Variants in PRUNE2 observed in about 807,000 individuals in gnomAD.
The protein encoded by PRUNE2 is prune homolog 2 with BCH domain.
Under a neutral mutation model 252.0 loss-of-function variants are expected in PRUNE2, and 164 were observed. That is an observed-to-expected ratio of 0.65 (90% CI 0.57 to 0.74). The LOEUF (loss-of-function observed/expected upper bound fraction) is 0.74. Ranked by LOEUF, PRUNE2 falls within the 30% of genes least tolerant of loss-of-function variation. The pLI is 0.00. For synonymous variants in PRUNE2, 1,292 were observed against 1,350.2 expected (o/e 0.96, Z 0.94); for missense variants, 3,495 against 3,711.0 (o/e 0.94, Z 1.51).
intron 1 of PRUNE2, among the ~76,000 whole-genome samples, chr9:76,903,789 T>C (rs368390370): frequency 2.6e-5 from 4 of 152,202 alleles, no homozygotes; most frequent in Non-Finnish European, 5.9e-5. Context: ...GGTTTCACCA[T>C]GTTGGCCAGG....
intron 6 of PRUNE2, among the ~76,000 whole-genome samples, chr9:76,766,072 A>G (rs936761634): frequency 6.6e-6 from 1 of 151,614 alleles, no homozygotes; most frequent in Non-Finnish European, 1.5e-5. Context: ...AGTCCCAGCT[A>G]CTTGGGAGGC....
At chr9:76,855,316 T>C (rs554295949) in intron 1 of PRUNE2, among the ~76,000 whole-genome samples, 3 of 152,120 alleles carry the variant, frequency 2.0e-5, no homozygotes, top group Non-Finnish European at 2.9e-5. Context: ...GTACATACTT[T>C]CCCCACTTTT....
intron 1 of PRUNE2, among the ~76,000 whole-genome samples, chr9:76,854,730 C>T (rs1319594832): frequency 6.6e-6 from 1 of 151,996 alleles, no homozygotes; most frequent in Non-Finnish European, 1.5e-5. Context: ...ACTTGTAACA[C>T]TTTTGTCTGT....
intron 1 of PRUNE2, among the ~76,000 whole-genome samples, chr9:76,894,005 A>T (rs1239411788): frequency 6.6e-6 from 1 of 152,212 alleles, no homozygotes; most frequent in East Asian, 1.9e-4. Context: ...TCACCTAGGG[A>T]ATAAAATGTC....
At chr9:76,802,828 T>C (rs748198427) in intron 6 of PRUNE2, among the ~76,000 whole-genome samples, 2 of 152,148 alleles carry the variant, frequency 1.3e-5, no homozygotes, top group Non-Finnish European at 1.5e-5. Context: ...GTAAAGGTTG[T>C]TTTCCCCCTT....
intron 11 of PRUNE2, among the ~76,000 whole-genome samples, chr9:76,648,445 T>A (rs754341191): frequency 1.3e-5 from 2 of 152,116 alleles, no homozygotes; most frequent in African/African-American, 4.8e-5. Flanking sequence ...GAATGGAAAA[T>A]AACCTGTGAC....
intron 6 of PRUNE2, among the ~76,000 whole-genome samples, chr9:76,805,832 G>A (rs1777544463): frequency 6.6e-6 from 1 of 152,214 alleles, no homozygotes; most frequent in African/African-American, 2.4e-5. Context: ...TTTTGAATCA[G>A]ATGTCCCTGG....
At chr9:76,898,303 T>C (rs766299410) in intron 1 of PRUNE2, among the ~76,000 whole-genome samples, 15 of 152,194 alleles carry the variant, frequency 9.9e-5, no homozygotes, top group Middle Eastern at 3.2e-3. Flanking sequence ...TGCCTCACAG[T>C]TCCCCATTTA....
chr9:76,830,840 A>G (rs554462300), intron 4 of PRUNE2, among the ~76,000 whole-genome samples: 1 of 152,308 alleles, frequency 6.6e-6, no homozygotes, highest in Admixed American at 6.5e-5. Context: ...CTCAACTAAA[A>G]TGATGAAAGT....
chr9:76,621,528 C>CAG (rs1346451677), intron 17 of PRUNE2, among the ~76,000 whole-genome samples: 1 of 152,174 alleles, frequency 6.6e-6, no homozygotes, highest in African/African-American at 2.4e-5. Context: ...ATTCTTCAGG[C>CAG]AGATGGCTTA....
rs73650281 is a variant in PRUNE2, at chr9:76,706,682, A to G, written c.5592T>C (p.Asn1864=). 4,608 of 1,613,652 alleles carry G rather than the reference A, an allele frequency of 2.9e-3. 106 individuals are homozygous for G. The African/African-American group carries it at 0.055, about 19-fold the overall frequency. The change falls in exon 8 of 19, where the codon AAT becomes AAC. Residue 1864 remains asparagine, a synonymous_variant. Coordinates refer to ENST00000376718, the MANE Select transcript of PRUNE2 (RefSeq NM_015225.3). ...GAACTGGTACTCCCCAGGGACTGGC[A>G]TTTTGGTGTACTGAAGAATTTATCT... ...VLEINSSVHQ[N]ASPWGVPVQG... is the part of the protein sequence containing the mutation.
chr9:76,723,717 A>G (rs1459030265), intron 6 of PRUNE2, among the ~76,000 whole-genome samples: 4 of 152,150 alleles, frequency 2.6e-5, no homozygotes, highest in Admixed American at 6.5e-5. Flanking sequence ...GAATTCAAGA[A>G]TAGAGGGGGA....
chr9:76,697,889 CTATT>C (rs1297602658), intron 9 of PRUNE2, among the ~76,000 whole-genome samples: 1 of 152,110 alleles, frequency 6.6e-6, no homozygotes, highest in African/African-American at 2.4e-5. Context: ...AGAAAATAAT[CTATT>C]TGTCAGTCTG....
Position 76,709,187 on chromosome 9 carries a change from G to C in PRUNE2, c.3087C>G (p.Asn1029Lys). ...TATGAGGTGAAGCCCACATGTCTAG[G>C]TTCCCAGGACCTGAACTGATTCGAT... ...SRNRISSGPGNLDMWASPHTD... is the reference protein window; with the variant it reads ...SRNRISSGPGKLDMWASPHTD... Residue 1029 changes from asparagine (N) to lysine (K), a missense_variant, in exon 8 of 19, where the codon AAC becomes AAG. Physicochemically the swap from Asn to Lys is moderately conservative, Grantham distance 94. Coordinates refer to ENST00000376718, the MANE Select transcript of PRUNE2 (RefSeq NM_015225.3). The C allele has an allele frequency of 6.2e-7, 1 of 1,613,812 alleles. No individual in the cohort carries two copies. The highest frequency in any genetic ancestry group is 8.5e-7 in the Non-Finnish European group (1 of 1,179,838).
In PRUNE2 at chr9:76,620,742, C is replaced by T. The variant is rs28429308; in HGVS notation, c.9189-1355G>A. On this transcript the variant is annotated intron_variant, in intron 17 of 18. Transcript: ENST00000376718. ...AGGACAGTCAAGTAAGTGTTGACAG[C>T]GTGCTAAAAAAAACCTAGCAAAGCT... is the stretch of plus-strand genomic sequence containing the variant. Among the ~76,000 whole-genome samples, 1,105 of 151,982 alleles carry T rather than the reference C, an allele frequency of 7.3e-3. 18 individuals are homozygous for T. The highest frequency in any genetic ancestry group is 0.024 in the African/African-American group (1,013 of 41,452).
intron 1 of PRUNE2, among the ~76,000 whole-genome samples, chr9:76,855,101 A>ATG (rs1450315244): frequency 8.1e-5 from 12 of 147,324 alleles, no homozygotes; most frequent in Non-Finnish European, 1.8e-4. Flanking sequence ...ATATATATAT[A>ATG]TAGTCACCCC....
chr9:76,643,537 C>G (rs1391864882), intron 12 of PRUNE2, among the ~76,000 whole-genome samples: 1 of 152,190 alleles, frequency 6.6e-6, no homozygotes, highest in African/African-American at 2.4e-5. Context: ...TCACTTGCAG[C>G]AAGATGGGGC....
chr9:76,899,875 A>C (rs1194176438), intron 1 of PRUNE2, among the ~76,000 whole-genome samples: 1 of 152,114 alleles, frequency 6.6e-6, no homozygotes, highest in East Asian at 2.0e-4. Flanking sequence ...GCTGGAGGAA[A>C]AGCCAGAAAG....
chr9:76,664,898 C>T (rs1486535458), intron 9 of PRUNE2, among the ~76,000 whole-genome samples: 1 of 152,182 alleles, frequency 6.6e-6, no homozygotes, highest in Admixed American at 6.5e-5. Flanking sequence ...CACTCAAGCT[C>T]CCAAACTGGC....
Sources: gnomAD v4.1 joint callset for allele counts (sites outside exome capture counted in the v4.1 genomes callset) on GRCh38, gnomAD v4.1.1 for gene constraint, MANE v1.5 for transcripts, NCBI Gene and HGNC (gene_info 2026-07-23, HGNC 2026-07-21) for gene names.